GPC3: variants seen among roughly 807,000 people sequenced by gnomAD.
GPC3 encodes the protein glypican-3.
In GPC3, 3 loss-of-function variants were observed where a neutral mutation model predicts 34.4. That is an observed-to-expected ratio of 0.09 (90% CI 0.04 to 0.23). The LOEUF (loss-of-function observed/expected upper bound fraction) is 0.23. Ranked by LOEUF, GPC3 falls within the 10% of genes least tolerant of loss-of-function variation. The pLI is 1.00. For missense variants in GPC3, 351 were observed against 445.6 expected (o/e 0.79, Z 1.91); for synonymous variants, 177 against 174.0 (o/e 1.02, Z -0.13).
intron 7 of GPC3, among the ~76,000 whole-genome samples, chrX:133,571,152 C>T (rs746612936): frequency 3.4e-4 from 38 of 111,333 alleles, no homozygotes; most frequent in African/African-American, 1.0e-3. Flanking sequence ...CAAGTGAGAA[C>T]GGTTTCTCTG....
chrX:133,797,515 A>T (rs370399488), intron 2 of GPC3, among the ~76,000 whole-genome samples: 2 of 111,174 alleles, frequency 1.8e-5, no homozygotes, highest in South Asian at 7.7e-4. Flanking sequence ...GGACAAGTGT[A>T]TTATTAGGTT....
intron 5 of GPC3, among the ~76,000 whole-genome samples, chrX:133,662,583 G>A (rs2070736985): frequency 8.9e-6 from 1 of 112,336 alleles, no homozygotes; most frequent in Admixed American, 9.4e-5. Context: ...TTCCAGTGTG[G>A]GGTTTTGCCA....
chrX:133,643,831 GTT>G (rs778326133), intron 6 of GPC3, among the ~76,000 whole-genome samples: 4 of 96,987 alleles, frequency 4.1e-5, no homozygotes, highest in African/African-American at 4.0e-5. Context: ...TTGTTTTTAT[GTT>G]TTTTTTTTTT....
intron 7 of GPC3, among the ~76,000 whole-genome samples, chrX:133,580,319 G>A (rs1005648891): frequency 8.9e-6 from 1 of 111,771 alleles, no homozygotes; most frequent in Non-Finnish European, 1.9e-5. Flanking sequence ...ACCTTTAGCT[G>A]CTTTAGGCTA....
chrX:133,681,441 C>A (rs749874587), intron 5 of GPC3, among the ~76,000 whole-genome samples: 1 of 112,069 alleles, frequency 8.9e-6, no homozygotes, highest in South Asian at 3.7e-4. Context: ...AAAAAATCAT[C>A]GGAGAAACTC....
chrX:133,629,664 G>A (rs2070345773), intron 6 of GPC3, among the ~76,000 whole-genome samples: 1 of 109,224 alleles, frequency 9.2e-6, no homozygotes, highest in Non-Finnish European at 1.9e-5. Flanking sequence ...AAAGTGCTGG[G>A]ATTACAGGTG....
chrX:133,934,342 C>T (rs1019255122), intron 2 of GPC3, among the ~76,000 whole-genome samples: 15 of 107,683 alleles, frequency 1.4e-4, no homozygotes, highest in African/African-American at 5.1e-4. Flanking sequence ...ATTACAGGCA[C>T]GCACCACCAC....
chrX:133,769,908 C>T (rs946632030), intron 2 of GPC3, among the ~76,000 whole-genome samples: 6 of 112,277 alleles, frequency 5.3e-5, no homozygotes, highest in Non-Finnish European at 9.4e-5. Context: ...AGCATACATG[C>T]AGGGTGCCTG....
rs141645929 is a variant in GPC3 at position 133,758,919 on chromosome X, A to G, written c.338-4743T>C. ...TTCACTTGATAAAGAACGTCCACAA[A>G]AAATTTTACAGCTAGCATCATGCTT... On this transcript the variant is annotated intron_variant, in intron 2 of 7. Coordinates refer to ENST00000370818, the MANE Select transcript of GPC3 (RefSeq NM_004484.4). 1.3e-3 allele frequency among the ~76,000 whole-genome samples: 150 copies of G among 111,155 alleles called. 1 individual carries two copies. Among genetic ancestry groups the G allele is most frequent in the Middle Eastern group, 4.6e-3 (1 of 217 alleles).
chrX:133,853,998 T>C (rs768606639), intron 2 of GPC3, among the ~76,000 whole-genome samples: 1 of 112,328 alleles, frequency 8.9e-6, no homozygotes, highest in Non-Finnish European at 1.9e-5. Flanking sequence ...TTTCTTGCTC[T>C]ATTTACCAAG....
intron 5 of GPC3, among the ~76,000 whole-genome samples, chrX:133,691,998 G>A (rs2071068867): frequency 8.9e-6 from 1 of 112,500 alleles, no homozygotes; most frequent in Non-Finnish European, 1.9e-5. Flanking sequence ...ACCCAGGCTG[G>A]AGTGCAGTGA....
At position 133,735,961 on chromosome X, in the gene GPC3, TAA is replaced by T. The variant is rs57468151; in HGVS notation, c.1032+17519_1032+17520del. The stretch of plus-strand genomic sequence containing the variant: ...CTGCATGACATAGTGAGACCCTGTT[TAA>T]AAAAAAAAAAAAAGTAAATCATGTA... On this transcript the variant is annotated intron_variant, in intron 3 of 7. Transcript: ENST00000370818. 9.7e-4 allele frequency among the ~76,000 whole-genome samples: 93 copies of T among 96,135 alleles called. 1 individual carries two copies. The highest frequency in any genetic ancestry group is 1.7e-3 in the African/African-American group (45 of 26,053). 83.5% of individuals were successfully genotyped at this position (96,135 alleles called of 115,157 possible). A position where few individuals can be genotyped will look rare whatever the true frequency, so the allele number is the denominator to read the frequency against.
At chrX:133,594,905 A>AAGT (rs1285890540) in intron 7 of GPC3, among the ~76,000 whole-genome samples, 1 of 110,855 alleles carries the variant, frequency 9.0e-6, no homozygotes, top group Non-Finnish European at 1.9e-5. Flanking sequence ...TCATAAAAAA[A>AAGT]AGTTGAGGCC....
At chrX:133,574,509 T>G (rs936468623) in intron 7 of GPC3, among the ~76,000 whole-genome samples, 3 of 112,353 alleles carry the variant, frequency 2.7e-5, no homozygotes, top group African/African-American at 9.7e-5. Flanking sequence ...GGTTCAAAGT[T>G]ATTTCAGTCT....
chrX:133,694,920 T>C (rs1322243648), intron 4 of GPC3, among the ~76,000 whole-genome samples: 4 of 111,069 alleles, frequency 3.6e-5, no homozygotes, highest in African/African-American at 1.3e-4. Context: ...GACCTCCCAC[T>C]TTAGTATAGA....
intron 3 of GPC3, among the ~76,000 whole-genome samples, chrX:133,706,965 A>T (rs2071224637): frequency 8.9e-6 from 1 of 112,189 alleles, no homozygotes; most frequent in African/African-American, 3.2e-5. Context: ...GGTGCTCATC[A>T]ATGGTGGACT....
chrX:133,606,600 T>C (rs2070054057), intron 6 of GPC3, among the ~76,000 whole-genome samples: 1 of 110,785 alleles, frequency 9.0e-6, no homozygotes, highest in African/African-American at 3.3e-5. Context: ...TTTGAATTTT[T>C]TTTTGTAGAG....
intron 2 of GPC3, among the ~76,000 whole-genome samples, chrX:133,755,363 C>T (rs2071717368): frequency 9.0e-6 from 1 of 111,503 alleles, no homozygotes; most frequent in Non-Finnish European, 1.9e-5. Flanking sequence ...CTTAGTCCAA[C>T]ATTTCAGTCA....
At chrX:133,542,862 C>A (rs776925336) in intron 7 of GPC3, among the ~76,000 whole-genome samples, 14 of 111,918 alleles carry the variant, frequency 1.3e-4, no homozygotes, top group Non-Finnish European at 2.1e-4. Flanking sequence ...GCTCTTGAAT[C>A]CAAAACAGAC....
Sources: gnomAD v4.1 joint callset for allele counts (sites outside exome capture counted in the v4.1 genomes callset) on GRCh38, gnomAD v4.1.1 for gene constraint, MANE v1.5 for transcripts, NCBI Gene and HGNC (gene_info 2026-07-23, HGNC 2026-07-21) for gene names.